GOLM2: variants seen among roughly 807,000 people sequenced by gnomAD.
GOLM2 encodes the protein protein GOLM2.
A neutral mutation model predicts 55.9 loss-of-function variants in GOLM2; 26 were observed. The ratio of observed to expected loss-of-function variants is 0.47; its 90% confidence interval spans 0.34 to 0.65. The LOEUF (loss-of-function observed/expected upper bound fraction) is 0.65, where lower values mean the gene tolerates loss of function less well. Ranked by LOEUF, GOLM2 falls within the 30% of genes least tolerant of loss-of-function variation. The pLI is 0.01. For missense variants in GOLM2, 486 were observed against 531.8 expected (o/e 0.91, Z 0.85); for synonymous variants, 165 against 194.6 (o/e 0.85, Z 1.27).
intron 8 of GOLM2, among the ~76,000 whole-genome samples, chr15:44,398,052 G>T (rs1567043699): frequency 6.6e-6 from 1 of 152,110 alleles, no homozygotes; most frequent in East Asian, 1.9e-4. Flanking sequence ...GATACTGTAG[G>T]GCATAAGGCA....
At chr15:44,342,884 A>C (rs2079098655) in intron 6 of GOLM2, among the ~76,000 whole-genome samples, 2 of 152,224 alleles carry the variant, frequency 1.3e-5, no homozygotes, top group Admixed American at 6.5e-5. Context: ...CCTAGATTCA[A>C]ACCTTTGGCT....
chr15:44,336,910 C>A (rs985503012), intron 4 of GOLM2, among the ~76,000 whole-genome samples: 1 of 151,966 alleles, frequency 6.6e-6, no homozygotes, highest in African/African-American at 2.4e-5. Context: ...AGCAAGACTC[C>A]GTCTCAGAAA....
intron 1 of GOLM2, among the ~76,000 whole-genome samples, chr15:44,311,112 A>G (rs2078872610): frequency 6.6e-6 from 1 of 152,234 alleles, no homozygotes; most frequent in Non-Finnish European, 1.5e-5. Context: ...GAATATGGAT[A>G]TAAACTTTCC....
chr15:44,337,185 T>A (rs2079063199), intron 4 of GOLM2, among the ~76,000 whole-genome samples: 1 of 151,914 alleles, frequency 6.6e-6, no homozygotes, highest in Admixed American at 6.6e-5. Flanking sequence ...CCTAACCATG[T>A]ACCTGAAGAT....
Position 44,332,091 on chromosome 15 carries a change from A to C in GOLM2, c.576+13A>C. 8.3e-7 allele frequency: 1 copy of C among 1,202,052 alleles called. No homozygotes were observed. Among genetic ancestry groups the C allele is most frequent in the Non-Finnish European group, 1.2e-6 (1 of 828,540 alleles). The allele number at this position is 1,202,052 out of a possible 1,614,324, so 74.5% of individuals were successfully genotyped here. On this transcript the variant is annotated intron_variant, in intron 4 of 9. Transcript: ENST00000299957. Reference sequence around the variant, plus strand: ...AGAGGAACAAAAGGTAAATTTTAAAAATATACTTAAATCCAAATATTTTTA... The same window carrying C: ...AGAGGAACAAAAGGTAAATTTTAAACATATACTTAAATCCAAATATTTTTA...
chr15:44,319,609 C>G (rs186445550), intron 1 of GOLM2, among the ~76,000 whole-genome samples: 2 of 152,126 alleles, frequency 1.3e-5, no homozygotes, highest in East Asian at 3.9e-4. Flanking sequence ...GTTTTTGAGA[C>G]AGGGTCTCGC....
chr15:44,405,074 T>C (rs1482240068), intron 9 of GOLM2, among the ~76,000 whole-genome samples: 3 of 152,292 alleles, frequency 2.0e-5, no homozygotes, highest in Admixed American at 2.0e-4. Flanking sequence ...TTTCAATCTA[T>C]TGTAAGTAGA....
Position 44,379,734 on chromosome 15 carries a change from C to G in GOLM2, c.847C>G (p.Gln283Glu). The stretch of plus-strand genomic sequence containing the variant: ...TTCAGTTTCTCAACATGAAAGTCAT[C>G]AAGCAATCTCCCATCTTCCAACTGG... ...PISVSQHESHQAISHLPTGQP... is the reference protein window; with the variant it reads ...PISVSQHESHEAISHLPTGQP... The change falls in exon 7 of 10, where the codon CAA becomes GAA. Residue 283 changes from glutamine to glutamate, a missense_variant. By Grantham distance (29) the Gln-to-Glu change is conservative (BLOSUM62 2). Coordinates refer to ENST00000299957, the MANE Select transcript of GOLM2 (RefSeq NM_138423.4). The G allele has an allele frequency of 6.4e-7, 1 of 1,550,964 alleles. No individual in the cohort carries two copies. Among genetic ancestry groups the G allele is most frequent in the South Asian group, 1.1e-5 (1 of 90,246 alleles).
intron 8 of GOLM2, among the ~76,000 whole-genome samples, chr15:44,395,063 G>A (rs554672794): frequency 6.6e-6 from 1 of 150,972 alleles, no homozygotes; most frequent in Non-Finnish European, 1.5e-5. Context: ...AGGCCAGAGT[G>A]CAGTGGTGCA....
At chr15:44,357,696 G>C (rs771282925) in intron 6 of GOLM2, among the ~76,000 whole-genome samples, 1 of 152,164 alleles carries the variant, frequency 6.6e-6, no homozygotes, top group Non-Finnish European at 1.5e-5. Context: ...AGTGATTATA[G>C]AAAGGTTGCA....
intron 6 of GOLM2, among the ~76,000 whole-genome samples, chr15:44,340,371 C>A (rs2141148700): frequency 6.6e-6 from 1 of 152,178 alleles, no homozygotes; most frequent in East Asian, 1.9e-4. Context: ...TAGGCTCAAG[C>A]CATCCTCCCA....
intron 6 of GOLM2, among the ~76,000 whole-genome samples, chr15:44,369,840 TA>T (rs531250732): frequency 1.3e-5 from 2 of 151,780 alleles, no homozygotes; most frequent in Non-Finnish European, 2.9e-5. Context: ...CCTAGAAGGA[TA>T]AAAAAAGATA....
intron 1 of GOLM2, among the ~76,000 whole-genome samples, chr15:44,300,651 G>C (rs2078791454): frequency 6.6e-6 from 1 of 152,226 alleles, no homozygotes; most frequent in Non-Finnish European, 1.5e-5. Flanking sequence ...TGAAGTGACA[G>C]GGAGTACCTT....
chr15:44,332,761 C>T (rs975200480), intron 4 of GOLM2, among the ~76,000 whole-genome samples: 1 of 152,056 alleles, frequency 6.6e-6, no homozygotes, highest in Non-Finnish European at 1.5e-5. Context: ...TATTCTGACA[C>T]CCTTTCCTAA....
chr15:44,404,313 A>G (rs2079584106), intron 9 of GOLM2, among the ~76,000 whole-genome samples: 1 of 152,188 alleles, frequency 6.6e-6, no homozygotes, highest in East Asian at 1.9e-4. Context: ...CTAGAAAATT[A>G]TATGGTTTGT....
intron 8 of GOLM2, among the ~76,000 whole-genome samples, chr15:44,393,940 G>A (rs1187042223): frequency 3.3e-5 from 5 of 152,034 alleles, no homozygotes; most frequent in African/African-American, 7.2e-5. Context: ...TGATCCACCC[G>A]CCTCAGCCTC....
chr15:44,405,856 A>G (rs2079593981), intron 9 of GOLM2, among the ~76,000 whole-genome samples: 1 of 152,026 alleles, frequency 6.6e-6, no homozygotes, highest in African/African-American at 2.4e-5. Flanking sequence ...TCCTGACCTC[A>G]AGTGATCCAC....
At chr15:44,335,550 C>G (rs1249305086) in intron 4 of GOLM2, among the ~76,000 whole-genome samples, 1 of 152,072 alleles carries the variant, frequency 6.6e-6, no homozygotes, top group Non-Finnish European at 1.5e-5. Context: ...ATAGCAATAG[C>G]CTTATGAGAT....
Position 44,380,869 on chromosome 15 carries a change from A to G in GOLM2, c.965A>G (p.Gln322Arg). ...TSKQNPSSPL[Q>R]RLIPGSNLDS... The stretch of plus-strand genomic sequence containing the variant: ...AAACAGAATCCTTCCAGTCCTCTTC[A>G]GCGTTTAATTCCAGGCTCAAACTTG... The change falls in exon 8 of 10, where the codon CAG (glutamine) becomes CGG (arginine). Residue 322 changes from glutamine (Q) to arginine (R), a missense_variant. Transcript: ENST00000299957. The G allele has an allele frequency of 3.1e-6, 5 of 1,598,716 alleles. No individual in the cohort carries two copies. In the South Asian group the frequency reaches 4.6e-5, roughly 15 times the overall value.
Sources: gnomAD v4.1 joint callset for allele counts (sites outside exome capture counted in the v4.1 genomes callset) on GRCh38, gnomAD v4.1.1 for gene constraint, MANE v1.5 for transcripts, NCBI Gene and HGNC (gene_info 2026-07-23, HGNC 2026-07-21) for gene names.